The following CADM2 variants were observed in gnomAD, a reference collection of about 807,000 sequenced individuals.
CADM2 encodes the protein immunoglobulin superfamily member 4D.
CADM2 carries 12 observed loss-of-function variants against 49.8 expected under a neutral mutation model. The observed-to-expected ratio is 0.24, with a 90% CI of 0.15 to 0.39. CADM2 has a LOEUF of 0.39. Among genes scored for constraint, CADM2 ranks in the 10% least tolerant of loss-of-function variants. The probability of loss-of-function intolerance (pLI) is 1.00; values close to 1 mark genes in which losing one functional copy is unlikely to be tolerated. For synonymous variants in CADM2, 214 were observed against 175.4 expected, an observed-to-expected ratio of 1.22 and a Z score of -1.74; for missense variants, 378 against 492.3, an observed-to-expected ratio of 0.77 and a Z score of 2.20.
At chr3:85,258,021 C>T (rs1287258484) in intron 1 of CADM2, among the ~76,000 whole-genome samples, 1 of 151,998 alleles carries the variant, frequency 6.6e-6, no homozygotes, top group East Asian at 1.9e-4. Flanking sequence ...GCAGTTATCA[C>T]AAATGTATGT....
At chr3:85,010,921 T>C (rs1173053882) in intron 1 of CADM2, among the ~76,000 whole-genome samples, 1 of 129,020 alleles carries the variant, frequency 7.8e-6, no homozygotes, top group Non-Finnish European at 1.6e-5. Flanking sequence ...TGGAGTGCAG[T>C]GGCGTGATCT....
intron 1 of CADM2, among the ~76,000 whole-genome samples, chr3:85,096,500 A>G (rs943502665): frequency 2.6e-5 from 4 of 152,196 alleles, no homozygotes; most frequent in Non-Finnish European, 5.9e-5. Context: ...TTATTCTAGA[A>G]TATCAGGTAA....
chr3:86,066,249 C>T (rs955790158), intron 9 of CADM2, among the ~76,000 whole-genome samples: 10 of 143,778 alleles, frequency 7.0e-5, no homozygotes, highest in Non-Finnish European at 1.5e-5. Flanking sequence ...AGGAGAATTG[C>T]TTGAACCCGG....
chr3:85,569,360 T>C (rs2062409409), intron 1 of CADM2, among the ~76,000 whole-genome samples: 2 of 147,104 alleles, frequency 1.4e-5, no homozygotes, highest in Non-Finnish European at 3.0e-5. Flanking sequence ...CATTGAAGGA[T>C]ATCTGGTTTG....
At chr3:85,237,209 A>T (rs1361962117) in intron 1 of CADM2, among the ~76,000 whole-genome samples, 1 of 151,980 alleles carries the variant, frequency 6.6e-6, no homozygotes, top group East Asian at 1.9e-4. Flanking sequence ...AATAGGAGGG[A>T]CAGAATAAGG....
intron 3 of CADM2, among the ~76,000 whole-genome samples, chr3:85,824,768 A>G (rs1408401656): frequency 6.6e-6 from 1 of 152,084 alleles, no homozygotes; most frequent in Non-Finnish European, 1.5e-5. Flanking sequence ...GTATGGAGCA[A>G]GGTCAGGTAC....
chr3:85,805,133 T>C (rs2072325497), intron 3 of CADM2, among the ~76,000 whole-genome samples: 2 of 151,952 alleles, frequency 1.3e-5, no homozygotes, highest in Admixed American at 1.3e-4. Flanking sequence ...TTGTGTAGAC[T>C]GGGTTTCACC....
At chr3:85,259,972 G>A (rs1310974850) in intron 1 of CADM2, among the ~76,000 whole-genome samples, 1 of 151,954 alleles carries the variant, frequency 6.6e-6, no homozygotes, top group African/African-American at 2.4e-5. Context: ...AACTCTTAAA[G>A]CCACTCGAGT....
chr3:85,702,505 GT>G (rs1238705582), intron 1 of CADM2, among the ~76,000 whole-genome samples: 3 of 151,916 alleles, frequency 2.0e-5, no homozygotes, highest in Non-Finnish European at 4.4e-5. Flanking sequence ...TGTCAATCAG[GT>G]TTCATCTTTT....
At chr3:85,741,334 AG>A (rs1405479928) in intron 2 of CADM2, among the ~76,000 whole-genome samples, 8 of 118,580 alleles carry the variant, frequency 6.7e-5, no homozygotes, top group Admixed American at 4.1e-4. Context: ...TCCCCTCAAG[AG>A]AAAAAAAAAA....
intron 7 of CADM2, among the ~76,000 whole-genome samples, chr3:85,951,406 C>T (rs1358577105): frequency 6.6e-6 from 1 of 150,954 alleles, no homozygotes; most frequent in Admixed American, 6.6e-5. Flanking sequence ...TTTATTCAAT[C>T]CTCTCCTTCC....
intron 1 of CADM2, among the ~76,000 whole-genome samples, chr3:85,609,992 A>G (rs2063635260): frequency 6.6e-6 from 1 of 152,054 alleles, no homozygotes; most frequent in Non-Finnish European, 1.5e-5. Flanking sequence ...TTGTAAAATA[A>G]TATTTCCGCT....
chr3:85,342,618 G>C (rs184331683), intron 1 of CADM2, among the ~76,000 whole-genome samples: 1 of 150,598 alleles, frequency 6.6e-6, no homozygotes, highest in African/African-American at 2.4e-5. Flanking sequence ...ATCAAAAGGA[G>C]AGAAGGGTAT....
At chr3:85,496,094 T>C (rs1227853192) in intron 1 of CADM2, among the ~76,000 whole-genome samples, 1 of 152,190 alleles carries the variant, frequency 6.6e-6, no homozygotes, top group Non-Finnish European at 1.5e-5. Context: ...TTCAGGTTTG[T>C]TACAAGGATG....
intron 7 of CADM2, among the ~76,000 whole-genome samples, chr3:85,950,446 A>G (rs1723296851): frequency 6.6e-6 from 1 of 151,046 alleles, no homozygotes; most frequent in Non-Finnish European, 1.5e-5. Context: ...TGTGCCATAA[A>G]TTGGCTGGAA....
Position 85,085,010 on chromosome 3 carries a change from T to G in CADM2, c.61+125342T>G, listed in dbSNP as rs72903400. On this transcript the variant is annotated intron_variant, in intron 1 of 9. Coordinates refer to ENST00000383699, the MANE Select transcript of CADM2 (RefSeq NM_001167675.2). ...AATGTTTTGATATATGTTTACCTCATGAAATTATTAAATCAAGCTAAGTAA... is the reference window on the plus strand; with the variant it reads ...AATGTTTTGATATATGTTTACCTCAGGAAATTATTAAATCAAGCTAAGTAA... Among the ~76,000 whole-genome samples the G allele has an allele frequency of 7.0e-3, 1,070 of 152,256 alleles. 17 individuals carry two copies. Among genetic ancestry groups the G allele is most frequent in the African/African-American group, 0.024 (998 of 41,568 alleles).
At chr3:85,979,166 G>A (rs764093710) in intron 8 of CADM2, 1 of 1,609,136 alleles carries the variant, frequency 6.2e-7, no homozygotes, top group Non-Finnish European at 8.5e-7. Context: ...CTCACCAGAT[G>A]TTCCCAACAC....
intron 1 of CADM2, among the ~76,000 whole-genome samples, chr3:85,630,608 G>A (rs1185537125): frequency 2.0e-5 from 3 of 152,026 alleles, no homozygotes; most frequent in Admixed American, 1.3e-4. Flanking sequence ...TTTAACTAAT[G>A]AAGCGAATAA....
chr3:85,947,583 T>A (rs1413325060), intron 7 of CADM2, among the ~76,000 whole-genome samples: 1 of 151,678 alleles, frequency 6.6e-6, no homozygotes, highest in African/African-American at 2.4e-5. Flanking sequence ...CTTTCCATAA[T>A]GAGTTTCTTT....
Sources: allele counts gnomAD v4.1 joint callset (sites outside exome capture counted in the v4.1 genomes callset), GRCh38; gene constraint gnomAD v4.1.1; transcripts MANE v1.5; gene names NCBI Gene and HGNC (gene_info 2026-07-23, HGNC 2026-07-21).